Variants in MCTP1 observed in about 807,000 individuals in gnomAD.
MCTP1 encodes multiple C2 and transmembrane domain-containing protein 1.
MCTP1 carries 69 observed loss-of-function variants against 120.6 expected under a neutral mutation model. The ratio of observed to expected loss-of-function variants is 0.57; its 90% confidence interval spans 0.47 to 0.70. MCTP1 has a LOEUF of 0.70. Ranked by LOEUF, MCTP1 falls within the 30% of genes least tolerant of loss-of-function variation. The probability of loss-of-function intolerance (pLI) is 0.00; values close to 1 mark genes in which losing one functional copy is unlikely to be tolerated. For missense variants in MCTP1, 1,203 were observed against 1,248.8 expected (o/e 0.96, Z 0.55); for synonymous variants, 529 against 493.1 (o/e 1.07, Z -0.96).
rs529727290 is a variant in MCTP1 at position 94,970,738 on chromosome 5, C to T, written c.839-17377G>A. Among the ~76,000 whole-genome samples, 9 of 151,920 alleles carry T rather than the reference C, an allele frequency of 5.9e-5. No individual in the cohort carries two copies. The South Asian group carries it at 1.9e-3, about 32-fold the overall frequency. On this transcript the variant is annotated intron_variant, in intron 2 of 22. Transcript: ENST00000515393. ...TACCATGTTTATATAGCCATCCTAA[C>T]AAAAAATCACATCTAAAAAATTAAA... is the stretch of plus-strand genomic sequence containing the variant.
intron 1 of MCTP1, among the ~76,000 whole-genome samples, chr5:95,042,301 T>A (rs528757378): frequency 6.6e-6 from 1 of 152,284 alleles, no homozygotes; most frequent in South Asian, 2.1e-4. Context: ...GTACACACTT[T>A]AAAGAGGGTG....
chr5:95,281,628 A>AT (rs916215528), intron 1 of MCTP1, among the ~76,000 whole-genome samples: 6 of 152,120 alleles, frequency 3.9e-5, no homozygotes, highest in African/African-American at 1.4e-4. Flanking sequence ...TCTTTCTCTT[A>AT]TTTTTTGAAA....
In MCTP1 at chr5:94,953,402, G is replaced by C. The variant is rs1581536863; in HGVS notation, c.839-41C>G. On this transcript the variant is annotated intron_variant, in intron 2 of 22. Coordinates refer to ENST00000515393, the MANE Select transcript of MCTP1 (RefSeq NM_024717.7). ...ATTGATCCATGTTAATCATGACTTG[G>C]TTTGGAAGCAAGAGAACCACTCTTT... 8.1e-6 allele frequency: 12 copies of C among 1,477,472 alleles called. No homozygotes were observed. In the East Asian group the frequency reaches 3.0e-4, roughly 36 times the overall value. The allele number at this position is 1,477,472 out of a possible 1,614,324, so 91.5% of individuals were successfully genotyped here.
chr5:94,798,845 TGTGTTAGGA>T (rs1780606601), intron 18 of MCTP1, among the ~76,000 whole-genome samples, 159 bp downstream of exon 18: 1 of 152,152 alleles, frequency 6.6e-6, no homozygotes, highest in African/African-American at 2.4e-5. Context: ...TACTCTCTAT[TGTGTTAGGA>T]CCAAAGAGTT....
intron 1 of MCTP1, among the ~76,000 whole-genome samples, chr5:95,108,731 A>G (rs778795263): frequency 2.0e-5 from 3 of 152,232 alleles, no homozygotes; most frequent in Non-Finnish European, 4.4e-5. Context: ...ATATCCATCA[A>G]TACCCATAAT....
At chr5:94,865,727 A>G (rs900758448) in intron 17 of MCTP1, among the ~76,000 whole-genome samples, 2 of 151,960 alleles carry the variant, frequency 1.3e-5, no homozygotes, top group Non-Finnish European at 2.9e-5. Flanking sequence ...TGATATTAAA[A>G]TTACAAGGTA....
chr5:95,252,785 A>C (rs1309272565), intron 1 of MCTP1, among the ~76,000 whole-genome samples: 2 of 152,044 alleles, frequency 1.3e-5, no homozygotes, highest in African/African-American at 4.8e-5. Context: ...TCATATTCTT[A>C]ATTCTCATTT....
chr5:95,041,597 C>G (rs180841999), intron 1 of MCTP1, among the ~76,000 whole-genome samples: 1 of 152,170 alleles, frequency 6.6e-6, no homozygotes, highest in East Asian at 1.9e-4. Context: ...GGCTTCTAAT[C>G]AAATGTCTTT....
chr5:95,158,534 TAAC>T (rs1298062001), intron 1 of MCTP1, among the ~76,000 whole-genome samples: 2 of 152,136 alleles, frequency 1.3e-5, no homozygotes, highest in Non-Finnish European at 2.9e-5. Flanking sequence ...ATTTTAAAAA[TAAC>T]AACAAGGAAT....
intron 5 of MCTP1, among the ~76,000 whole-genome samples, chr5:94,938,919 C>T (rs1245427575): frequency 6.6e-6 from 1 of 152,050 alleles, no homozygotes. Context: ...CACCCCTCTG[C>T]ACAAGGGTGC....
At chr5:95,110,190 A>G (rs938074873) in intron 1 of MCTP1, among the ~76,000 whole-genome samples, 3 of 152,050 alleles carry the variant, frequency 2.0e-5, no homozygotes, top group Admixed American at 6.6e-5. Context: ...AACAAGATTT[A>G]TGGACTCTCT....
chr5:95,087,619 T>G (rs1755529502), intron 1 of MCTP1, among the ~76,000 whole-genome samples: 1 of 152,204 alleles, frequency 6.6e-6, no homozygotes, highest in Non-Finnish European at 1.5e-5. Context: ...ACAAAAGCTT[T>G]TAAAGGCCAG....
chr5:95,031,237 A>C (rs902797785), intron 1 of MCTP1, among the ~76,000 whole-genome samples: 2 of 152,150 alleles, frequency 1.3e-5, no homozygotes, highest in East Asian at 1.9e-4. Flanking sequence ...AAATTTTCCT[A>C]ATCTTGCTAG....
At chr5:95,268,173 C>A (rs1039000525) in intron 1 of MCTP1, among the ~76,000 whole-genome samples, 1 of 152,184 alleles carries the variant, frequency 6.6e-6, no homozygotes, top group Non-Finnish European at 1.5e-5. Context: ...ATGGATGTTT[C>A]TTCTATAAGA....
At chr5:95,242,824 T>C (rs1303343138) in intron 1 of MCTP1, among the ~76,000 whole-genome samples, 1 of 152,244 alleles carries the variant, frequency 6.6e-6, no homozygotes, top group Non-Finnish European at 1.5e-5. Flanking sequence ...GATGTGGTGA[T>C]GATTTTACAT....
intron 2 of MCTP1, among the ~76,000 whole-genome samples, chr5:94,956,679 T>A (rs1373064860): frequency 6.6e-6 from 1 of 151,006 alleles, no homozygotes; most frequent in Admixed American, 6.6e-5. Context: ...AGATTGAAGA[T>A]CAACTTAATG....
intron 1 of MCTP1, among the ~76,000 whole-genome samples, chr5:95,279,945 G>C (rs1040057209): frequency 1.3e-5 from 2 of 152,114 alleles, no homozygotes; most frequent in Non-Finnish European, 2.9e-5. Context: ...TTAGGGGCTT[G>C]ATTTTGATAT....
chr5:95,168,018 T>A (rs1397209723), intron 1 of MCTP1, among the ~76,000 whole-genome samples: 1 of 152,322 alleles, frequency 6.6e-6, no homozygotes, highest in East Asian at 1.9e-4. Context: ...CTAGGGTTTT[T>A]ATGGTTTTAG....
intron 1 of MCTP1, among the ~76,000 whole-genome samples, chr5:95,249,627 T>C (rs965314752): frequency 6.6e-6 from 1 of 152,106 alleles, no homozygotes; most frequent in East Asian, 1.9e-4. Flanking sequence ...GAACTGGAAA[T>C]ACCATTTGAC....
Sources: allele counts gnomAD v4.1 joint callset (sites outside exome capture counted in the v4.1 genomes callset), GRCh38; gene constraint gnomAD v4.1.1; transcripts MANE v1.5; gene names NCBI Gene and HGNC (gene_info 2026-07-23, HGNC 2026-07-21).